Variants in AK8 observed in about 807,000 individuals in gnomAD.
AK8 encodes the protein adenylate kinase 8.
Under a neutral mutation model 54.6 loss-of-function variants are expected in AK8, and 44 were observed. The observed-to-expected ratio is 0.81, with a 90% confidence interval of 0.63 to 1.04. AK8 has a LOEUF of 1.04. Ranked by LOEUF, AK8 falls within the 50% of genes least tolerant of loss-of-function variation. AK8 has a pLI of 0.00. For synonymous variants in AK8, 239 were observed against 245.6 expected, an observed-to-expected ratio of 0.97 and a Z score of 0.25; for missense variants, 555 against 613.6, an observed-to-expected ratio of 0.90 and a Z score of 1.01.
At chr9:132,761,741 C>A (rs1263482453) in intron 11 of AK8, among the ~76,000 whole-genome samples, 2 of 151,916 alleles carry the variant, frequency 1.3e-5, no homozygotes, top group Non-Finnish European at 2.9e-5. Context: ...TTTTTCATTT[C>A]AAATATGTCA....
chr9:132,844,297 C>CAAAAAAAA (rs35309762), intron 5 of AK8, among the ~76,000 whole-genome samples: 7 of 92,606 alleles, frequency 7.6e-5, no homozygotes, highest in African/African-American at 1.4e-4. Context: ...TGCATTAGAC[C>CAAAAAAAA]AAAAAAAAAA....
chr9:132,763,505 C>T (rs1204525352), intron 11 of AK8, among the ~76,000 whole-genome samples: 1 of 152,216 alleles, frequency 6.6e-6, no homozygotes, highest in Non-Finnish European at 1.5e-5. Context: ...ACACAGTAAG[C>T]TGTAATCTAA....
chr9:132,873,782 T>A (rs1025101441), intron 2 of AK8, among the ~76,000 whole-genome samples: 4 of 152,106 alleles, frequency 2.6e-5, no homozygotes, highest in African/African-American at 9.7e-5. Context: ...ATGGAGTCAG[T>A]GAGGCCTGGG....
intron 9 of AK8, 114 bp downstream of exon 9, chr9:132,823,091 G>T: frequency 7.2e-7 from 1 of 1,387,204 alleles, no homozygotes; most frequent in Non-Finnish European, 9.5e-7. Flanking sequence ...AAAGAGAAGT[G>T]ATACTGACCC....
At chr9:132,739,959 G>A (rs1837292026) in intron 11 of AK8, among the ~76,000 whole-genome samples, 1 of 152,244 alleles carries the variant, frequency 6.6e-6, no homozygotes, top group Non-Finnish European at 1.5e-5. Flanking sequence ...TTCCCACACA[G>A]TGGCATGCTG....
intron 10 of AK8, among the ~76,000 whole-genome samples, chr9:132,808,400 G>A (rs1840825764): frequency 6.6e-6 from 1 of 152,180 alleles, no homozygotes; most frequent in African/African-American, 2.4e-5. Flanking sequence ...TGTCCACAGT[G>A]CCATCACCAA....
chr9:132,803,658 G>A lies in AK8; in HGVS notation c.980-10883C>T, dbSNP rs1054072063. On this transcript the variant is annotated intron_variant, in intron 10 of 12. Coordinates refer to ENST00000298545, the MANE Select transcript of AK8 (RefSeq NM_152572.3). The surrounding 1 kb of genome is among the most constrained non-coding windows in gnomAD (Gnocchi z 4.4). Reference sequence around the variant, plus strand: ...GAGGGGGCGCATGGCTTGCCCAGGAGCACAGCTGGGAGGAAGCAGAGTCTG... The same window carrying A: ...GAGGGGGCGCATGGCTTGCCCAGGAACACAGCTGGGAGGAAGCAGAGTCTG... Among the ~76,000 whole-genome samples the A allele has an allele frequency of 6.6e-6, 1 of 152,170 alleles. No homozygotes were observed. The highest frequency in any genetic ancestry group is 2.4e-5 in the African/African-American group (1 of 41,428).
intron 11 of AK8, among the ~76,000 whole-genome samples, chr9:132,783,788 A>C (rs1839576764): frequency 1.3e-5 from 2 of 152,164 alleles, no homozygotes; most frequent in African/African-American, 4.8e-5. Context: ...AAAATGCCTA[A>C]GGGGAAAAGT....
At chr9:132,765,769 T>C (rs889887478) in intron 11 of AK8, among the ~76,000 whole-genome samples, 1 of 152,184 alleles carries the variant, frequency 6.6e-6, no homozygotes, top group Non-Finnish European at 1.5e-5. Flanking sequence ...TTTCCTCTAA[T>C]AACTGGAATA....
intron 11 of AK8, among the ~76,000 whole-genome samples, chr9:132,773,706 C>T (rs1181264185): frequency 6.6e-6 from 1 of 152,184 alleles, no homozygotes; most frequent in African/African-American, 2.4e-5. Flanking sequence ...GCCAGGATTC[C>T]AACCCAGTTG....
intron 5 of AK8, among the ~76,000 whole-genome samples, chr9:132,839,372 G>T (rs887791454): frequency 6.6e-5 from 10 of 152,144 alleles, no homozygotes; most frequent in Non-Finnish European, 1.3e-4. Context: ...GAGTCATGGG[G>T]CAAAGTAACA....
At chr9:132,746,612 A>T (rs760560690) in intron 11 of AK8, among the ~76,000 whole-genome samples, 1 of 152,232 alleles carries the variant, frequency 6.6e-6, no homozygotes, top group Admixed American at 6.5e-5. Flanking sequence ...TCTATCCATC[A>T]CTTTCCTCTT....
chr9:132,786,029 G>A (rs1434282181), intron 11 of AK8, among the ~76,000 whole-genome samples: 1 of 152,182 alleles, frequency 6.6e-6, no homozygotes, highest in South Asian at 2.1e-4. Context: ...TCAGACAAAG[G>A]TTTCGATGCT....
At chr9:132,750,394 C>T (rs1564381354) in intron 11 of AK8, among the ~76,000 whole-genome samples, 1 of 151,938 alleles carries the variant, frequency 6.6e-6, no homozygotes, top group Non-Finnish European at 1.5e-5. Flanking sequence ...GCTGGGATTA[C>T]AGGTGTGAGC....
chr9:132,825,909 T>C (rs985954312), intron 8 of AK8, among the ~76,000 whole-genome samples: 1 of 152,234 alleles, frequency 6.6e-6, no homozygotes, highest in Admixed American at 6.5e-5. Context: ...GGAAGGGTAA[T>C]TTTGAGACGA....
At chr9:132,816,945 C>A (rs567149567) in intron 9 of AK8, among the ~76,000 whole-genome samples, 2 of 152,138 alleles carry the variant, frequency 1.3e-5, no homozygotes, top group Non-Finnish European at 2.9e-5. Context: ...TTCCAGAAAT[C>A]TCATAGGGGT....
chr9:132,848,071 G>A (rs1181756465), intron 5 of AK8, among the ~76,000 whole-genome samples: 2 of 141,258 alleles, frequency 1.4e-5, no homozygotes, highest in African/African-American at 2.6e-5. Context: ...AGCCATGACC[G>A]TGCCATTGCA....
At chr9:132,774,548 T>G (rs1839125051) in intron 11 of AK8, among the ~76,000 whole-genome samples, 1 of 152,140 alleles carries the variant, frequency 6.6e-6, no homozygotes, top group South Asian at 2.1e-4. Flanking sequence ...GATGGAAAAT[T>G]GAAGTACACT....
At position 132,863,694 on chromosome 9, in the gene AK8, C is replaced by T. The variant is rs528372576; in HGVS notation, c.304G>A (p.Glu102Lys). The T allele has an allele frequency of 1.4e-4, 230 of 1,613,762 alleles. 1 individual carries two copies. The highest frequency in any genetic ancestry group is 1.4e-3 in the South Asian group (129 of 91,052). The change falls in exon 4 of 13, where the codon GAA becomes AAA. Residue 102 changes from glutamate (E) to lysine (K), a missense_variant. Glu to Lys is a moderately conservative substitution (Grantham distance 56). Transcript: ENST00000298545. ...ILNEFSYTAT[E>K]ARRLYLQRKT... is the part of the protein sequence containing the mutation. ...CTTTGCAGATAAAGCCTTCTGGCTT[C>T]GGTGGCCGTATAGGAAAACTCATTT... is the stretch of plus-strand genomic sequence containing the variant.
Sources: gnomAD v4.1 joint callset for allele counts (sites outside exome capture counted in the v4.1 genomes callset) on GRCh38, gnomAD v4.1.1 for gene constraint, Gnocchi (gnomAD v3.1) non-coding constraint, MANE v1.5 for transcripts, NCBI Gene and HGNC (gene_info 2026-07-23, HGNC 2026-07-21) for gene names.